LMBR1: variants seen among roughly 807,000 people sequenced by gnomAD.
The protein encoded by LMBR1 is limb region 1 protein homolog.
Under a neutral mutation model 73.9 loss-of-function variants are expected in LMBR1, and 52 were observed. The ratio of observed to expected loss-of-function variants is 0.70; its 90% CI spans 0.56 to 0.89. The LOEUF (loss-of-function observed/expected upper bound fraction) is 0.89, where lower values mean the gene tolerates loss of function less well. LMBR1 is among the 40% of genes least tolerant of loss of function. The pLI, the probability that LMBR1 is intolerant of heterozygous loss-of-function variation, is 0.00. For missense variants in LMBR1, 539 were observed against 579.8 expected (o/e 0.93, Z 0.72); for synonymous variants, 215 against 209.4 (o/e 1.03, Z -0.23).
intron 4 of LMBR1, among the ~76,000 whole-genome samples, chr7:156,799,528 T>C (rs1830590674): frequency 6.6e-6 from 1 of 151,972 alleles, no homozygotes; most frequent in Non-Finnish European, 1.5e-5. Context: ...ATATTGTGTG[T>C]GTTGACTGCA....
intron 1 of LMBR1, among the ~76,000 whole-genome samples, chr7:156,861,477 C>T (rs1473315912): frequency 1.3e-5 from 2 of 152,174 alleles, no homozygotes; most frequent in Non-Finnish European, 1.5e-5. Context: ...CTCTGACATG[C>T]CTTGGAGACA....
chr7:156,694,601 TC>T (rs573013717), intron 15 of LMBR1, among the ~76,000 whole-genome samples: 50 of 152,260 alleles, frequency 3.3e-4, no homozygotes, highest in African/African-American at 1.2e-3. Context: ...ACTTTAAAAA[TC>T]CATCCAAATA....
chr7:156,732,256 T>C (rs1816974880), intron 10 of LMBR1, among the ~76,000 whole-genome samples: 1 of 152,100 alleles, frequency 6.6e-6, no homozygotes, highest in African/African-American at 2.4e-5. Context: ...AGAACAATGA[T>C]GCCTGAGACA....
At chr7:156,818,841 A>AT (rs778644546) in intron 4 of LMBR1, among the ~76,000 whole-genome samples, 2 of 152,290 alleles carry the variant, frequency 1.3e-5, no homozygotes, top group East Asian at 1.9e-4. Flanking sequence ...TTTTCGGTCC[A>AT]TTTTTTAACC....
At chr7:156,693,553 T>C (rs1297640738) in intron 15 of LMBR1, among the ~76,000 whole-genome samples, 1 of 151,962 alleles carries the variant, frequency 6.6e-6, no homozygotes, top group Non-Finnish European at 1.5e-5. Context: ...AAGAAACAGA[T>C]AAATTCCTAG....
At chr7:156,697,047 C>A (rs1304029594) in intron 15 of LMBR1, among the ~76,000 whole-genome samples, 2 of 143,992 alleles carry the variant, frequency 1.4e-5, no homozygotes, top group African/African-American at 5.5e-5. Flanking sequence ...TGTAGGCCAG[C>A]TGAGAGAGAG....
intron 1 of LMBR1, among the ~76,000 whole-genome samples, chr7:156,875,424 G>A (rs191529728): frequency 1.3e-5 from 2 of 152,292 alleles, no homozygotes; most frequent in Admixed American, 1.3e-4. Context: ...AATTTCCCGG[G>A]CCTTGCTAGA....
At chr7:156,792,991 C>T (rs1037374518) in intron 5 of LMBR1, among the ~76,000 whole-genome samples, 1 of 152,066 alleles carries the variant, frequency 6.6e-6, no homozygotes, top group Non-Finnish European at 1.5e-5. Context: ...GCTGAATCTA[C>T]CCATTAGAAA....
At chr7:156,728,124 G>A in intron 11 of LMBR1, 117 bp from the exon 12 acceptor site, 2 of 688,326 alleles carry the variant, frequency 2.9e-6, no homozygotes, top group Non-Finnish European at 4.9e-6. Flanking sequence ...AGACCAAAAC[G>A]CTATATATAA....
chr7:156,675,770 G>A, downstream of LMBR1: 1 of 1,614,140 alleles, frequency 6.2e-7, no homozygotes, highest in Non-Finnish European at 8.5e-7. Flanking sequence ...AAATCGATCA[G>A]TGCTTGGCCA....
At chr7:156,732,274 C>T (rs1816981799) in intron 10 of LMBR1, among the ~76,000 whole-genome samples, 1 of 152,092 alleles carries the variant, frequency 6.6e-6, no homozygotes, top group African/African-American at 2.4e-5. Context: ...ACACAGGAAA[C>T]AAACCACACA....
At chr7:156,821,682 T>A (rs1225563619) in intron 4 of LMBR1, among the ~76,000 whole-genome samples, 1 of 152,232 alleles carries the variant, frequency 6.6e-6, no homozygotes, top group Non-Finnish European at 1.5e-5. Flanking sequence ...TTGTGTCCCA[T>A]GTGAATGCTC....
At chr7:156,831,673 C>T (rs1586096143) in intron 3 of LMBR1, among the ~76,000 whole-genome samples, 2 of 152,306 alleles carry the variant, frequency 1.3e-5, no homozygotes, top group East Asian at 1.9e-4. Context: ...ACCCCTCGCA[C>T]GTGCTGTGCC....
At chr7:156,762,049 C>T in intron 8 of LMBR1, 85 bp downstream of exon 8, 1 of 744,512 alleles carries the variant, frequency 1.3e-6, no homozygotes, top group Non-Finnish European at 2.3e-6. Flanking sequence ...TCTTCTATTT[C>T]TAAATGCTAG....
At chr7:156,720,891 C>A (rs568998459) in intron 15 of LMBR1, among the ~76,000 whole-genome samples, 8 of 152,056 alleles carry the variant, frequency 5.3e-5, no homozygotes, top group Non-Finnish European at 2.9e-5. Context: ...TGTTTCACAA[C>A]AAGAGCTAGA....
intron 15 of LMBR1, among the ~76,000 whole-genome samples, chr7:156,712,225 A>G (rs910062919): frequency 6.6e-6 from 1 of 152,246 alleles, no homozygotes; most frequent in East Asian, 1.9e-4. Context: ...AGACTTCAAA[A>G]GAGGTCATAC....
intron 8 of LMBR1, among the ~76,000 whole-genome samples, chr7:156,757,157 C>T (rs976072022): frequency 2.6e-5 from 4 of 152,094 alleles, no homozygotes; most frequent in African/African-American, 7.2e-5. Flanking sequence ...AAGCTAACTA[C>T]GGTAAATAAC....
rs1454222517 is a variant in LMBR1, at chr7:156,697,661, C to T, written c.1226-9470G>A. On this transcript the variant is annotated intron_variant, in intron 15 of 16. Transcript: ENST00000353442. ...ACTCTCTGCAAGAAGAAAAACATGG[C>T]TCTTTCTGCCCGACCCCGCAGGCAG... Among the ~76,000 whole-genome samples the T allele has an allele frequency of 2.0e-5, 3 of 152,208 alleles. No homozygotes were observed. In the South Asian group the frequency reaches 6.2e-4, roughly 31 times the overall value.
chr7:156,756,699 T>C (rs1821958389), intron 8 of LMBR1, among the ~76,000 whole-genome samples: 1 of 152,246 alleles, frequency 6.6e-6, no homozygotes, highest in Non-Finnish European at 1.5e-5. Flanking sequence ...ATTGGATATT[T>C]TTAAAGTTTA....
Sources: allele counts gnomAD v4.1 joint callset (sites outside exome capture counted in the v4.1 genomes callset), GRCh38; gene constraint gnomAD v4.1.1; transcripts MANE v1.5; gene names NCBI Gene and HGNC (gene_info 2026-07-23, HGNC 2026-07-21).